ZNF562: variants seen among roughly 807,000 people sequenced by gnomAD.
ZNF562 encodes the protein zinc finger protein 562.
ZNF562 carries 13 observed loss-of-function variants against 17.5 expected under a neutral mutation model. The ratio of observed to expected loss-of-function variants is 0.74; its 90% CI spans 0.48 to 1.18. The LOEUF (loss-of-function observed/expected upper bound fraction) is 1.18, where lower values mean the gene tolerates loss of function less well. Ranked by LOEUF, ZNF562 falls within the 50% of genes most tolerant of loss-of-function variation. ZNF562 has a pLI of 0.00. For missense variants in ZNF562, 481 were observed against 498.5 expected, an observed-to-expected ratio of 0.96 and a Z score of 0.33; for synonymous variants, 163 against 165.4, an observed-to-expected ratio of 0.99 and a Z score of 0.11.
In ZNF562 at chr19:9,645,706, G is replaced by T. The variant is rs1210428991; in HGVS notation, c.*7243C>A. The T allele has an allele frequency of 6.6e-6, 1 of 151,988 alleles. No individual in the cohort carries two copies. The highest frequency in any genetic ancestry group is 2.4e-5 in the African/African-American group (1 of 41,422). 9.4% of individuals were successfully genotyped at this position (151,988 alleles called of 1,614,324 possible). A position where few individuals can be genotyped will look rare whatever the true frequency, so the allele number is the denominator to read the frequency against. On this transcript the variant is annotated 3_prime_UTR_variant, in exon 6 of 6. Transcript: ENST00000453372. ...GCCTATTCTTTCTGCCACCAGATCTGTCTAATAGCTTGTGTGACAATGCAC... is the reference window on the plus strand; with the variant it reads ...GCCTATTCTTTCTGCCACCAGATCTTTCTAATAGCTTGTGTGACAATGCAC...
At position 9,651,149 on chromosome 19, in the gene ZNF562, T is replaced by G. The variant is rs1371246714; in HGVS notation, c.*1800A>C. 6.6e-6 allele frequency: 1 copy of G among 152,094 alleles called. No individual in the cohort carries two copies. Among genetic ancestry groups the G allele is most frequent in the African/African-American group, 2.4e-5 (1 of 41,400 alleles). 9.4% of individuals were successfully genotyped at this position (152,094 alleles called of 1,614,324 possible). On this transcript the variant is annotated 3_prime_UTR_variant, in exon 6 of 6. Coordinates refer to ENST00000453372, the MANE Select transcript of ZNF562 (RefSeq NM_001130031.2). ...AAAAACTAAAAATGTGAAGCAGCTT[T>G]GAAACTGACAAATGAGTAGAGGCTG...
At chr19:9,665,900 T>G (rs1216862436) in intron 1 of ZNF562, among the ~76,000 whole-genome samples, 1 of 151,676 alleles carries the variant, frequency 6.6e-6, no homozygotes, top group African/African-American at 2.4e-5. Flanking sequence ...CCTCACCTAC[T>G]TAGGAGACTG....
intron 1 of ZNF562, among the ~76,000 whole-genome samples, chr19:9,667,340 C>T (rs775841603): frequency 2.6e-5 from 4 of 152,144 alleles, no homozygotes; most frequent in Non-Finnish European, 2.9e-5. Flanking sequence ...AAGTCCCCAA[C>T]AAACTGTGTA....
rs1427510045 is a variant in ZNF562, at chr19:9,653,464, C to T, written c.766G>A (p.Gly256Arg). The part of the protein sequence containing the change: ...HLKQCVAVHT[G>R]KKSEKTKNCG... ...TTCTTAGTCTTTTCGGATTTCTTTC[C>T]AGTATGAACTGCTACACACTGCTTT... The change falls in exon 6 of 6, where the codon GGA (glycine) becomes AGA (arginine). Residue 256 changes from glycine (G) to arginine (R), a missense_variant. By Grantham distance (125) the Gly-to-Arg change is moderately radical. This residue lies in a region of ZNF562 where 403 missense variants were observed against 386.4 expected (regional missense o/e 1.04). Coordinates refer to ENST00000453372, the MANE Select transcript of ZNF562 (RefSeq NM_001130031.2). 1.2e-6 allele frequency: 2 copies of T among 1,614,150 alleles called. No homozygotes were observed. The highest frequency in any genetic ancestry group is 1.7e-6 in the Non-Finnish European group (2 of 1,180,032).
Position 9,652,874 on chromosome 19 carries a change from A to G in ZNF562, c.*75T>C, listed in dbSNP as rs2074890989. The G allele has an allele frequency of 7.3e-7, 1 of 1,367,916 alleles. No homozygotes were observed. Among genetic ancestry groups the G allele is most frequent in the Non-Finnish European group, 9.7e-7 (1 of 1,030,376 alleles). The allele number at this position is 1,367,916 out of a possible 1,614,324, so 84.7% of individuals were successfully genotyped here. ...AAATGCTTTCCCAAATTCTTTACAT[A>G]CAAAAGGTTTCTCTCTGGTAGGAGT... On this transcript the variant is annotated 3_prime_UTR_variant, in exon 6 of 6. Transcript: ENST00000453372.
chr19:9,658,207 G>T lies in ZNF562; in HGVS notation c.115-72C>A, dbSNP rs538436159. The T allele has an allele frequency of 1.2e-5, 18 of 1,535,264 alleles. No individual in the cohort carries two copies. The East Asian group carries it at 3.8e-4, about 32-fold the overall frequency. ...CAATATTCACTGGAGAATGAGGAAA[G>T]GGGAACCTTATACTCACTTATACGT... On this transcript the variant is annotated intron_variant, in intron 3 of 5. Transcript: ENST00000453372.
Position 9,659,412 on chromosome 19 carries a change from C to T in ZNF562, c.81G>A (p.Thr27=), listed in dbSNP as rs1260413658. 13 of 1,551,410 alleles carry T rather than the reference C, an allele frequency of 8.4e-6. No individual in the cohort carries two copies. Among genetic ancestry groups the T allele is most frequent in the South Asian group, 8.3e-5 (7 of 84,050 alleles). The change falls in exon 3 of 6, where the codon ACG becomes ACA. Residue 27 remains threonine (T), a synonymous_variant. Transcript: ENST00000453372. ...AATTTGACCGGTGGTCCTCTACCAT[C>T]GTTCCTATCTTTGTCTTTTCTTCAA... ...CPFEEKTKIG[T]MVEDHRSNSY...
chr19:9,667,292 A>C (rs1177780993), intron 1 of ZNF562, among the ~76,000 whole-genome samples: 1 of 152,230 alleles, frequency 6.6e-6, no homozygotes, highest in Non-Finnish European at 1.5e-5. Flanking sequence ...CAGATGCTGA[A>C]ACACCATTTG....
rs145190944 is a variant in ZNF562, at chr19:9,663,711, C to G, written c.-130-2837G>C. Reference sequence around the variant, plus strand: ...TTTTTTTCTGAGACAGAGTCTCATTCTGTCGCCCAGGCTGGAGTGCAGTGG... The same window carrying G: ...TTTTTTTCTGAGACAGAGTCTCATTGTGTCGCCCAGGCTGGAGTGCAGTGG... On this transcript the variant is annotated intron_variant, in intron 1 of 5. Coordinates refer to ENST00000453372, the MANE Select transcript of ZNF562 (RefSeq NM_001130031.2). Among the ~76,000 whole-genome samples, 3 of 151,512 alleles carry G rather than the reference C, an allele frequency of 2.0e-5. No individual in the cohort carries two copies. The East Asian group carries it at 5.9e-4, about 30-fold the overall frequency.
chr19:9,656,444 G>A (rs1230400619), intron 5 of ZNF562, 103 bp downstream of exon 5: 29 of 1,268,980 alleles, frequency 2.3e-5, no homozygotes, highest in Non-Finnish European at 3.2e-5. Context: ...GGGAGTTGGA[G>A]GTTGCGGTGA....
At chr19:9,661,862 A>T (rs1389755595) in intron 1 of ZNF562, among the ~76,000 whole-genome samples, 1 of 152,114 alleles carries the variant, frequency 6.6e-6, no homozygotes, top group Non-Finnish European at 1.5e-5. Flanking sequence ...CTGGTCTCAA[A>T]CAAGTGATTC....
intron 2 of ZNF562, among the ~76,000 whole-genome samples, chr19:9,659,931 A>T (rs1164084711): frequency 1.6e-4 from 1 of 6,172 alleles, no homozygotes; most frequent in Admixed American, 1.1e-3. Context: ...GTCTCTACTA[A>T]AAAAAAAAAA....
chr19:9,655,797 A>T (rs2043457315), intron 5 of ZNF562, among the ~76,000 whole-genome samples: 1 of 122,036 alleles, frequency 8.2e-6, no homozygotes, highest in Admixed American at 1.1e-4. Flanking sequence ...GCAGTGGTGC[A>T]GTGCTGGCTC....
intron 1 of ZNF562, among the ~76,000 whole-genome samples, chr19:9,674,441 G>A (rs1178988782): frequency 1.3e-5 from 2 of 151,996 alleles, no homozygotes; most frequent in African/African-American, 4.8e-5. Context: ...CTTGAACCCG[G>A]GAGGTGAAAG....
rs1050262842 is a variant in ZNF562 at position 9,648,226 on chromosome 19, T to G, written c.*4723A>C. 1 of 152,230 alleles carries G rather than the reference T, an allele frequency of 6.6e-6. No individual in the cohort carries two copies. The highest frequency in any genetic ancestry group is 3.2e-3 in the Middle Eastern group (1 of 316). The allele number at this position is 152,230 out of a possible 1,614,324, so 9.4% of individuals were successfully genotyped here. On this transcript the variant is annotated 3_prime_UTR_variant, in exon 6 of 6. Transcript: ENST00000453372. ...AAGTATTTTTAAGTGATCCATTATG[T>G]CACAGTCGAGCTTATCCAGGAATAC...
In ZNF562 at chr19:9,647,660, C is replaced by G. The variant is rs1041590086; in HGVS notation, c.*5289G>C. 5 of 152,060 alleles carry G rather than the reference C, an allele frequency of 3.3e-5. No homozygotes were observed. The highest frequency in any genetic ancestry group is 5.9e-5 in the Non-Finnish European group (4 of 68,050). 9.4% of individuals were successfully genotyped at this position (152,060 alleles called of 1,614,324 possible). The stretch of plus-strand genomic sequence containing the variant: ...CTGAGGTCAGGAGTTTGAGACCAGC[C>G]TGGCCAACTTGATGAAACCGTCTCT... On this transcript the variant is annotated 3_prime_UTR_variant, in exon 6 of 6. Coordinates refer to ENST00000453372, the MANE Select transcript of ZNF562 (RefSeq NM_001130031.2).
intron 4 of ZNF562, among the ~76,000 whole-genome samples, chr19:9,656,920 G>T (rs2043513122): frequency 6.7e-6 from 1 of 149,820 alleles, no homozygotes; most frequent in Non-Finnish European, 1.5e-5. Flanking sequence ...TGTGCCTGTA[G>T]TCCCAGCTAC....
At chr19:9,666,164 A>G (rs1013292554) in intron 1 of ZNF562, among the ~76,000 whole-genome samples, 1 of 152,030 alleles carries the variant, frequency 6.6e-6, no homozygotes. Flanking sequence ...GTCTCTACTA[A>G]AAATACAAAA....
intron 3 of ZNF562, 96 bp from the exon 4 acceptor site, chr19:9,658,231 G>A (rs149458585): frequency 8.2e-5 from 119 of 1,447,382 alleles, no homozygotes; most frequent in East Asian, 7.5e-4. Flanking sequence ...TCACTTATAC[G>A]TGGTTCTCAA....
Sources: allele counts gnomAD v4.1 joint callset (sites outside exome capture counted in the v4.1 genomes callset), GRCh38; gene constraint gnomAD v4.1.1; regional missense constraint gnomAD v4.1.1; transcripts MANE v1.5; gene names NCBI Gene and HGNC (gene_info 2026-07-23, HGNC 2026-07-21).